MAD1L1: variants seen among roughly 807,000 people sequenced by gnomAD.
The protein encoded by MAD1L1 is mitotic arrest deficient 1 like 1.
In MAD1L1, 95 loss-of-function variants were observed where a neutral mutation model predicts 96.9. The observed-to-expected ratio is 0.98, with a 90% CI of 0.83 to 1.16. The LOEUF (loss-of-function observed/expected upper bound fraction) is 1.16, where lower values mean the gene tolerates loss of function less well. Ranked by LOEUF, MAD1L1 falls within the 50% of genes most tolerant of loss-of-function variation. The pLI is 0.00. For missense variants in MAD1L1, 1,007 were observed against 954.4 expected, an observed-to-expected ratio of 1.06 and a Z score of -0.73; for synonymous variants, 473 against 396.6, an observed-to-expected ratio of 1.19 and a Z score of -2.29.
At chr7:2,073,575 G>T (rs752162361) in intron 11 of MAD1L1, among the ~76,000 whole-genome samples, 1 of 152,174 alleles carries the variant, frequency 6.6e-6, no homozygotes, top group African/African-American at 2.4e-5. Context: ...CTCTTCCTCC[G>T]CCACTCTCGC....
At chr7:2,084,013 T>C (rs879746963) in intron 11 of MAD1L1, among the ~76,000 whole-genome samples, 5 of 152,208 alleles carry the variant, frequency 3.3e-5, no homozygotes, top group African/African-American at 9.7e-5. Flanking sequence ...GTTTTCCACA[T>C]GCACCCAACT....
intron 12 of MAD1L1, among the ~76,000 whole-genome samples, chr7:2,062,198 C>T (rs544440962): frequency 3.6e-4 from 53 of 148,994 alleles, no homozygotes; most frequent in Admixed American, 3.0e-3. Context: ...GCTGAGATCG[C>T]GCCACTGCAC....
chr7:1,888,596 G>T (rs1786329106), intron 18 of MAD1L1, among the ~76,000 whole-genome samples: 1 of 151,862 alleles, frequency 6.6e-6, no homozygotes, highest in African/African-American at 2.4e-5. Context: ...ATGCGTGCAT[G>T]TGGCTGCCTA....
intron 10 of MAD1L1, among the ~76,000 whole-genome samples, chr7:2,149,629 A>G (rs1789472723): frequency 6.6e-6 from 1 of 152,156 alleles, no homozygotes; most frequent in Non-Finnish European, 1.5e-5. Flanking sequence ...ACCCACATAT[A>G]ACAACAAGAG....
chr7:2,041,116 T>C (rs1180545107), intron 12 of MAD1L1, among the ~76,000 whole-genome samples: 2 of 152,150 alleles, frequency 1.3e-5, no homozygotes, highest in Non-Finnish European at 2.9e-5. Context: ...CCAGAGTTCC[T>C]GTCGGAAAAA....
intron 18 of MAD1L1, among the ~76,000 whole-genome samples, chr7:1,819,691 C>T (rs13228407): frequency 0.33 from 50,208 of 151,966 alleles, 9,051 homozygotes; most frequent in Non-Finnish European, 0.41. Context: ...CGGGCACGGA[C>T]AAGAGGCACG....
chr7:2,126,680 C>G (rs1023597358), intron 11 of MAD1L1, among the ~76,000 whole-genome samples: 4 of 152,214 alleles, frequency 2.6e-5, no homozygotes, highest in African/African-American at 9.6e-5. Context: ...GGACCGGCCT[C>G]TTCTGTCACT....
intron 12 of MAD1L1, among the ~76,000 whole-genome samples, chr7:2,068,157 G>A (rs1784965817): frequency 6.6e-6 from 1 of 152,234 alleles, no homozygotes; most frequent in East Asian, 1.9e-4. Flanking sequence ...TGTCTGGGGT[G>A]CACCTGCAAA....
intron 13 of MAD1L1, among the ~76,000 whole-genome samples, chr7:2,013,640 C>T (rs543694864): frequency 4.6e-5 from 7 of 152,374 alleles, no homozygotes; most frequent in East Asian, 3.9e-4. Flanking sequence ...CGTGTGCCAG[C>T]GAGGCCAGAA....
At position 2,219,354 on chromosome 7, in the gene MAD1L1, C is replaced by T. The variant is rs1793464482; in HGVS notation, c.574G>A (p.Glu192Lys). The T allele has an allele frequency of 2.5e-6, 4 of 1,589,446 alleles. No homozygotes were observed. The highest frequency in any genetic ancestry group is 1.8e-5 in the Admixed American group (1 of 57,142). ...CACTTGTGTTGCAGGTCCAGCTGCT[C>T]CTGCAGCTCCTGCTTCTCCGACTCC... ...RLESEKQELQ[E>K]QLDLQHKKCQ... The change falls in exon 6 of 19, where the codon GAG becomes AAG. Residue 192 changes from glutamate (E) to lysine (K), a missense_variant. By Grantham distance (56) the Glu-to-Lys change is moderately conservative. Transcript: ENST00000265854.
In MAD1L1 at chr7:1,917,893, A is replaced by G. The variant is rs368363637; in HGVS notation, c.1807+18794T>C. 2.6e-5 allele frequency among the ~76,000 whole-genome samples: 4 copies of G among 152,306 alleles called. No individual in the cohort carries two copies. The East Asian group carries it at 7.7e-4, about 29-fold the overall frequency. ...AGGAAGACAAAGCCCCCAGAGCAGC[A>G]AAGAGAAGGGCTAGCGGGGACGGAG... On this transcript the variant is annotated intron_variant, in intron 17 of 18. Coordinates refer to ENST00000265854, the MANE Select transcript of MAD1L1 (RefSeq NM_001013836.2).
chr7:1,856,351 G>A (rs1693533442), intron 18 of MAD1L1, among the ~76,000 whole-genome samples: 1 of 152,180 alleles, frequency 6.6e-6, no homozygotes, highest in Admixed American at 6.5e-5. Context: ...GCCTGTCCCA[G>A]GTGCTCGGGG....
chr7:1,847,518 G>T (rs201704627), intron 18 of MAD1L1: 3 of 471,148 alleles, frequency 6.4e-6, no homozygotes, highest in East Asian at 6.9e-5. Flanking sequence ...CAGCTGGAAG[G>T]TTCCATGGGA....
intron 11 of MAD1L1, among the ~76,000 whole-genome samples, chr7:2,134,138 C>A (rs147732950): frequency 6.6e-6 from 1 of 152,194 alleles, no homozygotes; most frequent in Non-Finnish European, 1.5e-5. Flanking sequence ...TCCTCCTACC[C>A]GTGAACATAG....
intron 13 of MAD1L1, among the ~76,000 whole-genome samples, chr7:2,005,066 C>T (rs1006376707): frequency 6.6e-6 from 1 of 152,150 alleles, no homozygotes; most frequent in Non-Finnish European, 1.5e-5. Flanking sequence ...CCCCGGGATG[C>T]GGCCAGGAGG....
intron 18 of MAD1L1, among the ~76,000 whole-genome samples, chr7:1,831,196 C>T (rs191652651): frequency 2.0e-5 from 3 of 152,288 alleles, no homozygotes; most frequent in South Asian, 4.1e-4. Context: ...TTTCCAAAAG[C>T]GTGGATTCAC....
intron 11 of MAD1L1, among the ~76,000 whole-genome samples, chr7:2,136,009 T>G (rs1262488537): frequency 2.6e-5 from 4 of 152,134 alleles, no homozygotes; most frequent in Non-Finnish European, 4.4e-5. Flanking sequence ...GAAAGCTCCT[T>G]CAGGGCAGGG....
chr7:2,127,031 T>C (rs892222649), intron 11 of MAD1L1, among the ~76,000 whole-genome samples: 1 of 152,160 alleles, frequency 6.6e-6, no homozygotes, highest in African/African-American at 2.4e-5. Context: ...GAGGCCTCGT[T>C]CCCAGGGAAG....
At chr7:1,893,236 A>G (rs1786657114) in intron 18 of MAD1L1, among the ~76,000 whole-genome samples, 1 of 152,104 alleles carries the variant, frequency 6.6e-6, no homozygotes, top group African/African-American at 2.4e-5. Context: ...CCACGCGGCA[A>G]CAAGAGGTTT....
Sources: gnomAD v4.1 joint callset for allele counts (sites outside exome capture counted in the v4.1 genomes callset) on GRCh38, gnomAD v4.1.1 for gene constraint, MANE v1.5 for transcripts, NCBI Gene and HGNC (gene_info 2026-07-23, HGNC 2026-07-21) for gene names.